The following DNAJC10 variants were observed in gnomAD, a reference collection of about 807,000 sequenced individuals.
DNAJC10 encodes the protein DnaJ heat shock protein family (Hsp40) member C10.
A neutral mutation model predicts 115.0 loss-of-function variants in DNAJC10; 101 were observed. The observed-to-expected ratio is 0.88, with a 90% CI of 0.75 to 1.04. The LOEUF (loss-of-function observed/expected upper bound fraction) is 1.04. DNAJC10 is among the 50% of genes least tolerant of loss of function. The pLI is 0.00. For missense variants in DNAJC10, 981 were observed against 928.8 expected (o/e 1.06, Z -0.73); for synonymous variants, 307 against 301.5 (o/e 1.02, Z -0.19).
rs931289612 is a variant in DNAJC10 at position 182,781,721 on chromosome 2, T to C, written c.*4589T>C. On this transcript the variant is annotated 3_prime_UTR_variant, in exon 24 of 24. Coordinates refer to ENST00000264065, the MANE Select transcript of DNAJC10 (RefSeq NM_018981.4). ...GCATTTCTCTAATGACCACTGATGATGAGCTTTTTTTCATATCTTTGTTGG... is the reference window on the plus strand; with the variant it reads ...GCATTTCTCTAATGACCACTGATGACGAGCTTTTTTTCATATCTTTGTTGG... 2.6e-5 allele frequency: 4 copies of C among 152,246 alleles called. No individual in the cohort carries two copies. The highest frequency in any genetic ancestry group is 5.9e-5 in the Non-Finnish European group (4 of 68,042). The allele number at this position is 152,246 out of a possible 1,614,324, so 9.4% of individuals were successfully genotyped here.
intron 14 of DNAJC10, 38 bp downstream of exon 14, chr2:182,743,750 T>C (rs771695363): frequency 3.1e-5 from 43 of 1,396,212 alleles, no homozygotes; most frequent in Non-Finnish European, 4.1e-5. Flanking sequence ...AAACTTAGCT[T>C]CATTTTCAAA....
intron 20 of DNAJC10, 93 bp downstream of exon 20, chr2:182,758,983 G>T (rs1456510152): frequency 1.7e-6 from 2 of 1,164,278 alleles, no homozygotes; most frequent in East Asian, 2.4e-5. Flanking sequence ...GTGGGTTAAG[G>T]TTCTAGCATT....
intron 22 of DNAJC10, among the ~76,000 whole-genome samples, chr2:182,774,919 C>T (rs1694665206): frequency 6.6e-6 from 1 of 152,216 alleles, no homozygotes; most frequent in South Asian, 2.1e-4. Flanking sequence ...GTTGGAAGTG[C>T]AGAAATCACC....
Position 182,729,826 on chromosome 2 carries a change from CTCT to C in DNAJC10, c.634-17_634-15del, listed in dbSNP as rs1397094100. 2.0e-6 allele frequency: 3 copies of C among 1,486,606 alleles called. No individual in the cohort carries two copies. Among genetic ancestry groups the C allele is most frequent in the East Asian group, 2.3e-5 (1 of 42,746 alleles). The allele number at this position is 1,486,606 out of a possible 1,614,324, so 92.1% of individuals were successfully genotyped here. A position where few individuals can be genotyped will look rare whatever the true frequency, so the allele number is the denominator to read the frequency against. On this transcript the variant is annotated intron_variant, in intron 7 of 23. Transcript: ENST00000264065. ...TAAAAAGAAAAAGTAAAAGATGTTT[CTCT>C]TCTTACAAAAACCAATAGGCCCCAG... is the stretch of plus-strand genomic sequence containing the variant.
chr2:182,720,147 G>T lies in DNAJC10; in HGVS notation c.345G>T (p.Trp115Cys). 6.2e-7 allele frequency: 1 copy of T among 1,609,104 alleles called. No homozygotes were observed. ...ATCAAGGTGGCCAGTATGAAAGCTG[G>T]AACTATTATCGTTATGATTTTGGTA... ...EDNQGGQYES[W>C]NYYRYDFGIY... Residue 115 changes from tryptophan (W) to cysteine (C), a missense_variant, in exon 4 of 24, where the codon TGG becomes TGT. By Grantham distance (215) the Trp-to-Cys change is radical (BLOSUM62 -2). Coordinates refer to ENST00000264065, the MANE Select transcript of DNAJC10 (RefSeq NM_018981.4).
intron 11 of DNAJC10, 71 bp from the exon 12 acceptor site, chr2:182,740,228 G>GA (rs1693697085): frequency 8.4e-7 from 1 of 1,196,396 alleles, no homozygotes; most frequent in African/African-American, 1.6e-5. Flanking sequence ...ATTGGAAATT[G>GA]AAAAAACAAA....
chr2:182,734,912 A>AT (rs1378315434), intron 10 of DNAJC10, among the ~76,000 whole-genome samples: 2 of 149,714 alleles, frequency 1.3e-5, no homozygotes, highest in African/African-American at 2.5e-5. Flanking sequence ...GCATTTTTCC[A>AT]TTTTTTACTG....
chr2:182,733,437 T>TA (rs947624940), intron 10 of DNAJC10, among the ~76,000 whole-genome samples: 2 of 151,642 alleles, frequency 1.3e-5, no homozygotes, highest in East Asian at 1.9e-4. Context: ...TTAAAAATAA[T>TA]AAAAAAACAA....
rs1694888650 is a variant in DNAJC10, at chr2:182,783,320, A to G, written c.*6188A>G. ...CCAAGCGGTAAAACATTAGCTAACT[A>G]AAACATGGTTCTGAAGCCAGTTAAC... On this transcript the variant is annotated 3_prime_UTR_variant, in exon 24 of 24. Coordinates refer to ENST00000264065, the MANE Select transcript of DNAJC10 (RefSeq NM_018981.4). 1 of 152,218 alleles carries G rather than the reference A, an allele frequency of 6.6e-6. No homozygotes were observed. Among genetic ancestry groups the G allele is most frequent in the Admixed American group, 6.5e-5 (1 of 15,270 alleles). 9.4% of individuals were successfully genotyped at this position (152,218 alleles called of 1,614,324 possible).
In DNAJC10 at chr2:182,756,476, T is replaced by C. The variant is rs1450914065; in HGVS notation, c.1809+7T>C. 1.3e-6 allele frequency: 2 copies of C among 1,598,712 alleles called. No individual in the cohort carries two copies. Among genetic ancestry groups the C allele is most frequent in the African/African-American group, 2.7e-5 (2 of 73,808 alleles). On this transcript the variant is annotated splice_region_variant and intron_variant, in intron 18 of 23. Transcript: ENST00000264065. ...ATGGAAAAGAATGGCCCGGGTATAG[T>C]AAAAATAGTTTATTTTAAATCTTAA...
chr2:182,717,365 A>G (rs1693021517), intron 2 of DNAJC10, among the ~76,000 whole-genome samples: 2 of 152,182 alleles, frequency 1.3e-5, no homozygotes, highest in African/African-American at 4.8e-5. Context: ...AATGGCCTCT[A>G]CTTAAATTCA....
chr2:182,763,010 T>G (rs1266679992), intron 22 of DNAJC10, among the ~76,000 whole-genome samples: 1 of 152,136 alleles, frequency 6.6e-6, no homozygotes, highest in Non-Finnish European at 1.5e-5. Flanking sequence ...CTCAATTGCC[T>G]TAACATTTTT....
At chr2:182,727,635 A>G (rs531804557) in intron 5 of DNAJC10, among the ~76,000 whole-genome samples, 1 of 152,318 alleles carries the variant, frequency 6.6e-6, no homozygotes, top group Admixed American at 6.5e-5. Context: ...GTAGGTGAAC[A>G]CTGAGTCCTG....
chr2:182,735,006 T>C lies in DNAJC10; in HGVS notation c.850-1243T>C, dbSNP rs531925007. 2.6e-4 allele frequency among the ~76,000 whole-genome samples: 39 copies of C among 151,726 alleles called. 1 individual carries two copies. The highest frequency in any genetic ancestry group is 9.4e-4 in the African/African-American group (39 of 41,488). On this transcript the variant is annotated intron_variant, in intron 10 of 23. Coordinates refer to ENST00000264065, the MANE Select transcript of DNAJC10 (RefSeq NM_018981.4). ...ATTTATCTAGTTGCTATTTTTTATC[T>C]TAGTCCATTTACATTTAATGTTATT...
chr2:182,773,595 T>C (rs373029686), intron 22 of DNAJC10, among the ~76,000 whole-genome samples: 53 of 152,350 alleles, frequency 3.5e-4, no homozygotes, highest in East Asian at 3.5e-3. Flanking sequence ...CAATCACTGA[T>C]ACCCTTTCTT....
intron 3 of DNAJC10, 103 bp downstream of exon 3, chr2:182,718,393 T>C (rs1026529462): frequency 2.1e-6 from 2 of 949,004 alleles, no homozygotes; most frequent in African/African-American, 1.7e-5. Flanking sequence ...AATAATCATA[T>C]GTCAAAATTA....
At chr2:182,726,759 T>C (rs187912574) in intron 5 of DNAJC10, among the ~76,000 whole-genome samples, 7 of 152,342 alleles carry the variant, frequency 4.6e-5, no homozygotes, top group African/African-American at 1.4e-4. Context: ...TGTTCCTTGG[T>C]TGGTTTGTCA....
At chr2:182,721,403 T>G (rs1351445296) in intron 4 of DNAJC10, among the ~76,000 whole-genome samples, 1 of 152,114 alleles carries the variant, frequency 6.6e-6, no homozygotes, top group East Asian at 1.9e-4. Context: ...GTGACTTCTT[T>G]CACACTTCAA....
chr2:182,733,903 T>A (rs1316131376), intron 10 of DNAJC10, among the ~76,000 whole-genome samples: 2 of 151,546 alleles, frequency 1.3e-5, no homozygotes, highest in Non-Finnish European at 3.0e-5. Context: ...GTAAATGTAT[T>A]GCTATAAAAT....
Sources: allele counts gnomAD v4.1 joint callset (sites outside exome capture counted in the v4.1 genomes callset), GRCh38; gene constraint gnomAD v4.1.1; transcripts MANE v1.5; gene names NCBI Gene and HGNC (gene_info 2026-07-23, HGNC 2026-07-21).